The following CIB1 variants were observed in gnomAD, a reference collection of about 807,000 sequenced individuals.
CIB1 encodes calcium and integrin binding 1, also known as calcium and integrin-binding protein 1.
In CIB1, 19 loss-of-function variants were observed where a neutral mutation model predicts 25.0. That is an observed-to-expected ratio of 0.76 (90% confidence interval 0.53 to 1.12). The LOEUF is 1.12. CIB1 is among the 50% of genes most tolerant of loss of function. The pLI, the probability that CIB1 is intolerant of heterozygous loss-of-function variation, is 0.00. For synonymous variants in CIB1, 104 were observed against 98.5 expected (o/e 1.06, Z -0.33); for missense variants, 236 against 242.6 (o/e 0.97, Z 0.18).
chr15:90,239,056 T>C, the CIB1 span, among the ~76,000 whole-genome samples: 1 of 152,182 alleles, frequency 6.6e-6, no homozygotes, highest in Admixed American at 6.6e-5. Flanking sequence ...TGTGAGTGTA[T>C]AGGATGTTCA....
At chr15:90,259,492 CTG>C in the CIB1 span, among the ~76,000 whole-genome samples, 1 of 152,178 alleles carries the variant, frequency 6.6e-6, no homozygotes, top group Non-Finnish European at 1.5e-5. Flanking sequence ...GTTTTCCTCT[CTG>C]GAGCCAATCA....
the CIB1 span, chr15:90,263,673 C>T: frequency 1.6e-6 from 1 of 606,100 alleles, no homozygotes; most frequent in Non-Finnish European, 2.9e-6. Flanking sequence ...TTTCAGTTAC[C>T]TCCTTCTTCC....
chr15:90,259,051 A>G, the CIB1 span: 1 of 1,539,572 alleles, frequency 6.5e-7, no homozygotes, highest in Non-Finnish European at 8.8e-7. Context: ...CATAGATAAT[A>G]TGTTCATATT....
chr15:90,261,399 A>G, the CIB1 span, among the ~76,000 whole-genome samples: 1 of 148,244 alleles, frequency 6.7e-6, no homozygotes, highest in East Asian at 2.0e-4. Context: ...TTTTTTTCAA[A>G]TGGAAAGCTA....
upstream of CIB1, chr15:90,234,011 C>A: frequency 1.8e-6 from 2 of 1,090,844 alleles, no homozygotes; most frequent in Non-Finnish European, 2.5e-6. Flanking sequence ...CACCCCCGGG[C>A]CCGCCCCCTC....
At chr15:90,234,043 C>A, upstream of CIB1, 1 of 863,620 alleles carries the variant, frequency 1.2e-6, no homozygotes, top group South Asian at 2.1e-5. Context: ...CAGGCGTTCC[C>A]AGCCGGGTTT....
the CIB1 span, chr15:90,241,120 T>C: frequency 6.2e-7 from 1 of 1,614,100 alleles, no homozygotes; most frequent in East Asian, 2.2e-5. Context: ...AAGCAGCGGG[T>C]GGAGCTGGGG....
the CIB1 span, chr15:90,240,970 G>A: frequency 2.5e-6 from 4 of 1,613,954 alleles, no homozygotes; most frequent in Non-Finnish European, 3.4e-6. Context: ...AATGAGGACT[G>A]GGGCAGGCAA....
intron 3 of CIB1, among the ~76,000 whole-genome samples, chr15:90,231,754 C>T (rs1348889838): frequency 1.3e-5 from 2 of 152,172 alleles, no homozygotes; most frequent in Admixed American, 1.3e-4. Flanking sequence ...TCACATACAA[C>T]GTAAGTGTGG....
chr15:90,260,347 A>C, the CIB1 span, among the ~76,000 whole-genome samples: 2 of 151,948 alleles, frequency 1.3e-5, no homozygotes, highest in African/African-American at 2.4e-5. Context: ...AAATACAAAA[A>C]TTAGCCAAGC....
chr15:90,254,282 C>T, the CIB1 span, among the ~76,000 whole-genome samples: 2 of 151,000 alleles, frequency 1.3e-5, no homozygotes, highest in African/African-American at 2.4e-5. Flanking sequence ...ATCATGAGGT[C>T]AGGAGTTCAA....
chr15:90,250,675 T>C, the CIB1 span: 2 of 1,614,004 alleles, frequency 1.2e-6, no homozygotes, highest in Non-Finnish European at 1.7e-6. Flanking sequence ...AGGAAGACTA[T>C]GTTGAGGAAA....
chr15:90,258,568 T>C, the CIB1 span: 2 of 631,728 alleles, frequency 3.2e-6, no homozygotes, highest in East Asian at 5.5e-5. Context: ...CTCACTGGTC[T>C]GTGAATTGGA....
At chr15:90,247,601 T>G in the CIB1 span, among the ~76,000 whole-genome samples, 1 of 151,692 alleles carries the variant, frequency 6.6e-6, no homozygotes, top group Non-Finnish European at 1.5e-5. Flanking sequence ...AAACCTCAGA[T>G]GCATGACCTC....
At position 90,230,997 on chromosome 15, in the gene CIB1, C is replaced by T; in HGVS notation, c.491G>A (p.Arg164Lys). 5 of 1,614,164 alleles carry T rather than the reference C, an allele frequency of 3.1e-6. No homozygotes were observed. The South Asian group carries it at 3.3e-5, about 11-fold the overall frequency. ...DNILEESDID[R>K]DGTINLSEFQ... ...CTCAGAGAGGTTGATGGTTCCATCC[C>T]TGTCAATGTCAGACTCCTCCAGGAT... is the stretch of plus-strand genomic sequence containing the variant. The change falls in exon 6 of 7, where the codon AGG (arginine) becomes AAG (lysine). Residue 164 changes from arginine to lysine, a missense_variant. Physicochemically the swap from Arg to Lys is conservative, Grantham distance 26 (BLOSUM62 2). Coordinates refer to ENST00000328649, the MANE Select transcript of CIB1 (RefSeq NM_006384.4).
chr15:90,237,329 T>C (rs1199547974), upstream of CIB1, among the ~76,000 whole-genome samples: 1 of 140,724 alleles, frequency 7.1e-6, no homozygotes, highest in African/African-American at 2.7e-5. Context: ...GTCACCAGGC[T>C]GGAATGCAGT....
chr15:90,248,718 CAAAAAAAAAAAAAAAAAAAAAAA>C, the CIB1 span, among the ~76,000 whole-genome samples: 5 of 27,788 alleles, frequency 1.8e-4, no homozygotes, highest in African/African-American at 3.9e-4. Flanking sequence ...GACCCTGTCT[CAAAAAAAAAAAAAAAAAAAAAAA>C]AAAAAAAAAA....
upstream of CIB1, chr15:90,234,046 C>G: frequency 1.2e-6 from 1 of 838,880 alleles, no homozygotes; most frequent in Non-Finnish European, 1.7e-6. Flanking sequence ...GCGTTCCCAG[C>G]CGGGTTTGGC....
the CIB1 span, among the ~76,000 whole-genome samples, chr15:90,254,659 A>G: frequency 6.6e-6 from 1 of 152,082 alleles, no homozygotes; most frequent in African/African-American, 2.4e-5. Context: ...GCAACAGGCA[A>G]AACCCCATCT....
Sources: gnomAD v4.1 joint callset for allele counts (sites outside exome capture counted in the v4.1 genomes callset) on GRCh38, gnomAD v4.1.1 for gene constraint, MANE v1.5 for transcripts, NCBI Gene and HGNC (gene_info 2026-07-23, HGNC 2026-07-21) for gene names.